Variants in HDAC8 observed in about 807,000 individuals in gnomAD.
HDAC8 encodes the protein histone deacetylase-like 1.
Under a neutral mutation model 32.2 loss-of-function variants are expected in HDAC8, and 1 was observed. That is an observed-to-expected ratio of 0.03 (90% confidence interval 0.01 to 0.15). HDAC8 has a LOEUF of 0.15. HDAC8 is among the 10% of genes least tolerant of loss of function. The probability of loss-of-function intolerance (pLI) is 1.00; values close to 1 mark genes in which losing one functional copy is unlikely to be tolerated. For synonymous variants in HDAC8, 108 were observed against 113.9 expected (o/e 0.95, Z 0.33); for missense variants, 117 against 300.0 (o/e 0.39, Z 4.51).
chrX:72,534,761 G>A (rs2050469063), intron 4 of HDAC8, among the ~76,000 whole-genome samples: 1 of 112,108 alleles, frequency 8.9e-6, no homozygotes, highest in Non-Finnish European at 1.9e-5. Context: ...ATTATGGATG[G>A]TAGTTCCAGT....
rs1173589669 is a variant in HDAC8 at position 72,427,606 on chromosome X, G to A, written c.1005+34398C>T. ...ACTCTGGGGCCTGTTGTGGGGTGGG[G>A]GGGGGGAGGGATAGCATTAGGAGAT... On this transcript the variant is annotated intron_variant, in intron 9 of 10. Transcript: ENST00000373573. 2.6e-4 allele frequency among the ~76,000 whole-genome samples: 23 copies of A among 86,979 alleles called. No homozygotes were observed. The South Asian group carries it at 3.3e-3, about 13-fold the overall frequency. The allele number at this position is 86,979 out of a possible 115,157, so 75.5% of individuals were successfully genotyped here.
intron 7 of HDAC8, chrX:72,466,808 C>A (rs1555994869): frequency 8.9e-6 from 1 of 111,978 alleles, no homozygotes; most frequent in Non-Finnish European, 1.9e-5. Flanking sequence ...ACATTGGAAA[C>A]AACCCAGATG....
At chrX:72,398,823 T>C (rs1555966420) in intron 9 of HDAC8, among the ~76,000 whole-genome samples, 1 of 109,801 alleles carries the variant, frequency 9.1e-6, no homozygotes, top group Non-Finnish European at 1.9e-5. Flanking sequence ...ATTACTCTCT[T>C]CTTTTATAGT....
intron 9 of HDAC8, among the ~76,000 whole-genome samples, chrX:72,444,117 G>A (rs374799312): frequency 1.8e-5 from 2 of 108,544 alleles, no homozygotes; most frequent in African/African-American, 3.4e-5. Flanking sequence ...ACAAGGAGGA[G>A]CTGGTACCAT....
intron 8 of HDAC8, 95 bp from the exon 9 acceptor site, chrX:72,462,193 A>C (rs2047886840): frequency 7.4e-6 from 5 of 672,650 alleles, no homozygotes; most frequent in Non-Finnish European, 1.1e-5. Flanking sequence ...ATGTTTTAAG[A>C]AAAGACAACC....
chrX:72,564,526 T>C (rs1374892282), intron 4 of HDAC8, among the ~76,000 whole-genome samples: 1 of 112,708 alleles, frequency 8.9e-6, no homozygotes, highest in Non-Finnish European at 1.9e-5. Context: ...AGAAGCTTGA[T>C]AAATATCCAT....
intron 7 of HDAC8, among the ~76,000 whole-genome samples, chrX:72,469,112 A>G (rs1405109728): frequency 9.2e-6 from 1 of 108,864 alleles, no homozygotes; most frequent in Non-Finnish European, 1.9e-5. Flanking sequence ...TTCCTATTGT[A>G]TTTGGTCTTT....
intron 9 of HDAC8, among the ~76,000 whole-genome samples, chrX:72,423,026 C>G (rs1555974268): frequency 9.0e-6 from 1 of 110,803 alleles, no homozygotes. Context: ...AGAAGTTTAC[C>G]TATATAACAA....
chrX:72,472,048 T>C (rs1458271361), intron 7 of HDAC8, among the ~76,000 whole-genome samples: 1 of 99,259 alleles, frequency 1.0e-5, no homozygotes, highest in Non-Finnish European at 2.2e-5. Flanking sequence ...AGGGTCCAAC[T>C]TTATTTTTTA....
chrX:72,506,720 A>T (rs946091628), intron 4 of HDAC8, among the ~76,000 whole-genome samples: 1 of 111,780 alleles, frequency 8.9e-6, no homozygotes, highest in East Asian at 2.8e-4. Flanking sequence ...AACATTGCCA[A>T]GAGTACCCAT....
chrX:72,333,443 C>G (rs898593494), intron 10 of HDAC8, among the ~76,000 whole-genome samples: 1 of 111,893 alleles, frequency 8.9e-6, no homozygotes, highest in Non-Finnish European at 1.9e-5. Flanking sequence ...AATCCCAGCG[C>G]TCTGGGAGGC....
chrX:72,370,705 C>T (rs369136262), intron 9 of HDAC8, among the ~76,000 whole-genome samples: 2 of 112,152 alleles, frequency 1.8e-5, no homozygotes, highest in South Asian at 3.8e-4. Context: ...CAAGGTCCCA[C>T]AATAGGCTGA....
At chrX:72,472,026 T>TAGA (rs1555997897) in intron 7 of HDAC8, among the ~76,000 whole-genome samples, 3 of 110,673 alleles carry the variant, frequency 2.7e-5, no homozygotes, top group Non-Finnish European at 3.8e-5. Context: ...TTTTTATATA[T>TAGA]GGTGCGAGGT....
chrX:72,456,680 T>C (rs782229191), intron 9 of HDAC8, among the ~76,000 whole-genome samples: 1 of 110,772 alleles, frequency 9.0e-6, no homozygotes, highest in Non-Finnish European at 1.9e-5. Context: ...GCGCCTATAG[T>C]CTCAGCTACT....
At chrX:72,360,820 C>T (rs1248518390) in intron 9 of HDAC8, among the ~76,000 whole-genome samples, 2 of 112,265 alleles carry the variant, frequency 1.8e-5, no homozygotes, top group Non-Finnish European at 3.8e-5. Context: ...ATACATATGG[C>T]ATTTATGGTA....
intron 4 of HDAC8, among the ~76,000 whole-genome samples, chrX:72,537,949 G>A (rs1177846514): frequency 8.9e-6 from 1 of 111,740 alleles, no homozygotes; most frequent in Non-Finnish European, 1.9e-5. Context: ...GTGAGGAAGT[G>A]AATGCAGCTT....
intron 4 of HDAC8, among the ~76,000 whole-genome samples, chrX:72,533,061 A>G (rs1453344853): frequency 9.0e-6 from 1 of 111,587 alleles, no homozygotes; most frequent in Non-Finnish European, 1.9e-5. Flanking sequence ...TAGGGGTCCA[A>G]CTTCACTCTT....
At chrX:72,352,656 A>G (rs1225440893) in intron 9 of HDAC8, among the ~76,000 whole-genome samples, 5 of 112,012 alleles carry the variant, frequency 4.5e-5, no homozygotes, top group Non-Finnish European at 9.4e-5. Context: ...AAAGAAGTCT[A>G]GTTTCTCTAC....
At position 72,441,351 on chromosome X, in the gene HDAC8, C is replaced by T. The variant is rs937232376; in HGVS notation, c.1005+20653G>A. Among the ~76,000 whole-genome samples the T allele has an allele frequency of 9.8e-5, 11 of 111,945 alleles. 1 individual carries two copies. Among genetic ancestry groups the T allele is most frequent in the African/African-American group, 1.6e-4 (5 of 30,784 alleles). On this transcript the variant is annotated intron_variant, in intron 9 of 10. Transcript: ENST00000373573. ...CTCTGAGACAAAACTTCCAGAGGAA[C>T]GATCAGACAGCAGCATTCGTGGTTC...
Sources: allele counts gnomAD v4.1 joint callset (sites outside exome capture counted in the v4.1 genomes callset), GRCh38; gene constraint gnomAD v4.1.1; transcripts MANE v1.5; gene names NCBI Gene and HGNC (gene_info 2026-07-23, HGNC 2026-07-21).